Variants in SACM1L observed in about 807,000 individuals in gnomAD.
SACM1L encodes the protein phosphatidylinositol-3-phosphatase SAC1.
SACM1L carries 32 observed loss-of-function variants against 89.5 expected under a neutral mutation model. That is an observed-to-expected ratio of 0.36 (90% CI 0.27 to 0.48). The LOEUF is 0.48. SACM1L is among the 20% of genes least tolerant of loss of function. The pLI, the probability that SACM1L is intolerant of heterozygous loss-of-function variation, is 0.99. For missense variants in SACM1L, 543 were observed against 708.5 expected (o/e 0.77, Z 2.65); for synonymous variants, 213 against 232.8 (o/e 0.92, Z 0.77).
At position 45,723,480 on chromosome 3, in the gene SACM1L, C is replaced by T. The variant is rs367954428; in HGVS notation, c.858C>T (p.Asp286=). Residue 286 remains aspartate (D), a synonymous_variant, in exon 11 of 20, where the codon GAC becomes GAT. Transcript: ENST00000389061. ...PQISKVANHM[D]GFQRHFDSQV... ...TGTAACTTTTTCCTCTCTAGATGGA[C>T]GGTTTCCAAAGGCATTTTGATTCCC... 1.4e-5 allele frequency: 20 copies of T among 1,465,140 alleles called. No homozygotes were observed. Among genetic ancestry groups the T allele is most frequent in the South Asian group, 9.2e-5 (6 of 65,428 alleles). 90.8% of individuals were successfully genotyped at this position (1,465,140 alleles called of 1,614,324 possible). A position where few individuals can be genotyped will look rare whatever the true frequency, so the allele number is the denominator to read the frequency against.
chr3:45,706,729 C>G lies in SACM1L; in HGVS notation c.206-51C>G, dbSNP rs766802751. On this transcript the variant is annotated intron_variant, in intron 3 of 19. Coordinates refer to ENST00000389061, the MANE Select transcript of SACM1L (RefSeq NM_014016.5). ...AAACAATAAGGACTCCTATTTCTACCTTTAGAGTTACTATTTTTATAATTA... is the reference window on the plus strand; with the variant it reads ...AAACAATAAGGACTCCTATTTCTACGTTTAGAGTTACTATTTTTATAATTA... 3.4e-6 allele frequency: 5 copies of G among 1,484,424 alleles called. No homozygotes were observed. In the South Asian group the frequency reaches 4.9e-5, roughly 15 times the overall value. 92.0% of individuals were successfully genotyped at this position (1,484,424 alleles called of 1,614,324 possible). A position where few individuals can be genotyped will look rare whatever the true frequency, so the allele number is the denominator to read the frequency against.
chr3:45,706,162 A>C (rs1187752106), intron 3 of SACM1L, among the ~76,000 whole-genome samples: 2 of 152,162 alleles, frequency 1.3e-5, no homozygotes, highest in African/African-American at 4.8e-5. Context: ...AGACCTGAAG[A>C]ATTAATTGAG....
chr3:45,721,691 G>A (rs1223102441), intron 8 of SACM1L, among the ~76,000 whole-genome samples: 2 of 151,776 alleles, frequency 1.3e-5, no homozygotes, highest in African/African-American at 2.4e-5. Flanking sequence ...TTCTTTAAAA[G>A]ATGTCTCAAG....
chr3:45,734,605 C>G (rs906947917), intron 13 of SACM1L: 1 of 152,094 alleles, frequency 6.6e-6, no homozygotes. Flanking sequence ...CACCACCATG[C>G]CTGGCTACGT....
chr3:45,714,096 T>A lies in SACM1L; in HGVS notation c.577+17T>A. ...TACATGGCTGTATCCTTACATGATA[T>A]TACTCTTTAGTTTCTAGATGCCTTT... On this transcript the variant is annotated intron_variant, in intron 7 of 19. Coordinates refer to ENST00000389061, the MANE Select transcript of SACM1L (RefSeq NM_014016.5). The A allele has an allele frequency of 1.3e-6, 2 of 1,503,048 alleles. No homozygotes were observed. 93.1% of individuals were successfully genotyped at this position (1,503,048 alleles called of 1,614,324 possible). A position where few individuals can be genotyped will look rare whatever the true frequency, so the allele number is the denominator to read the frequency against.
chr3:45,723,518 A>G lies in SACM1L; in HGVS notation c.896A>G (p.Tyr299Cys). 1 of 1,509,738 alleles carries G rather than the reference A, an allele frequency of 6.6e-7. No individual in the cohort carries two copies. The allele number at this position is 1,509,738 out of a possible 1,614,324, so 93.5% of individuals were successfully genotyped here. Residue 299 changes from tyrosine to cysteine, a missense_variant, in exon 11 of 20, where the codon TAT (tyrosine) becomes TGT (cysteine). Transcript: ENST00000389061. ...CATTTTGATTCCCAAGTAATTATTT[A>G]TGGAAAACAAGTTATAATCAATCTG... is the stretch of plus-strand genomic sequence containing the variant. Reference protein sequence around the residue: ...QRHFDSQVIIYGKQVIINLIN... With the variant: ...QRHFDSQVIICGKQVIINLIN...
chr3:45,737,169 G>C lies in SACM1L; in HGVS notation c.1240-414G>C, dbSNP rs577074209. On this transcript the variant is annotated intron_variant, in intron 14 of 19. Transcript: ENST00000389061. ...TTCTTAAAGGTCCCTGGGACAGAGGGTAAGGCTGGGGTGACTCAGGGGTGA... is the reference window on the plus strand; with the variant it reads ...TTCTTAAAGGTCCCTGGGACAGAGGCTAAGGCTGGGGTGACTCAGGGGTGA... 8.4e-5 allele frequency: 15 copies of C among 178,460 alleles called. No homozygotes were observed. In the East Asian group the frequency reaches 2.5e-3, roughly 29 times the overall value. 11.1% of individuals were successfully genotyped at this position (178,460 alleles called of 1,614,324 possible). A position where few individuals can be genotyped will look rare whatever the true frequency, so the allele number is the denominator to read the frequency against.
At position 45,723,503 on chromosome 3, in the gene SACM1L, C is replaced by A; in HGVS notation, c.881C>A (p.Ser294Tyr). ...GACGGTTTCCAAAGGCATTTTGATTCCCAAGTAATTATTTATGGAAAACAA... is the reference window on the plus strand; with the variant it reads ...GACGGTTTCCAAAGGCATTTTGATTACCAAGTAATTATTTATGGAAAACAA... ...HMDGFQRHFD[S>Y]QVIIYGKQVI... The change falls in exon 11 of 20, where the codon TCC becomes TAC. Residue 294 changes from serine to tyrosine, a missense_variant. Physicochemically the swap from Ser to Tyr is moderately radical, Grantham distance 144. This residue lies in a region of SACM1L where 370 missense variants were observed against 527.6 expected (regional missense o/e 0.70). Coordinates refer to ENST00000389061, the MANE Select transcript of SACM1L (RefSeq NM_014016.5). The A allele has an allele frequency of 6.6e-7, 1 of 1,507,394 alleles. No homozygotes were observed. Among genetic ancestry groups the A allele is most frequent in the Non-Finnish European group, 8.9e-7 (1 of 1,119,274 alleles). 93.4% of individuals were successfully genotyped at this position (1,507,394 alleles called of 1,614,324 possible). A position where few individuals can be genotyped will look rare whatever the true frequency, so the allele number is the denominator to read the frequency against.
At chr3:45,707,004 T>C (rs1698413513) in intron 4 of SACM1L, 97 bp downstream of exon 4, 3 of 1,157,980 alleles carry the variant, frequency 2.6e-6, no homozygotes, top group Non-Finnish European at 2.5e-6. Flanking sequence ...AAGAATGCTA[T>C]AATTATTTTA....
Position 45,703,461 on chromosome 3 carries a change from AT to A in SACM1L, c.57del (p.Tyr19Ter). The A allele has an allele frequency of 1.9e-6, 3 of 1,612,914 alleles. No homozygotes were observed. The highest frequency in any genetic ancestry group is 2.5e-6 in the Non-Finnish European group (3 of 1,179,086). ...LKLHITPEKF[Y>X]VEACDDGADD... ...AGGCATATCACACCTGAAAAATTTT[AT>A]GTGGAAGCTTGTGATGATGGAGCAG... On this transcript the variant is annotated frameshift_variant, in exon 2 of 20. Coordinates refer to ENST00000389061, the MANE Select transcript of SACM1L (RefSeq NM_014016.5). LOFTEE classifies it high-confidence loss of function.
intron 6 of SACM1L, 177 bp from the exon 7 acceptor site, chr3:45,713,869 T>G (rs1298595393): frequency 3.0e-6 from 1 of 332,834 alleles, no homozygotes; most frequent in Non-Finnish European, 5.4e-6. Context: ...ATATTCAAGC[T>G]CAAATGATTG....
chr3:45,699,151 TA>T (rs1160358976), intron 1 of SACM1L, among the ~76,000 whole-genome samples: 2 of 152,172 alleles, frequency 1.3e-5, no homozygotes, highest in Non-Finnish European at 2.9e-5. Context: ...AAGCTTATAA[TA>T]ACAGAGGCAT....
chr3:45,702,230 C>A (rs1559537564), intron 1 of SACM1L, among the ~76,000 whole-genome samples: 1 of 152,112 alleles, frequency 6.6e-6, no homozygotes, highest in Non-Finnish European at 1.5e-5. Flanking sequence ...AAAAAAGAGT[C>A]AAAAGTTTGT....
At chr3:45,693,803 T>A (rs976603286) in intron 1 of SACM1L, among the ~76,000 whole-genome samples, 19 of 152,248 alleles carry the variant, frequency 1.2e-4, no homozygotes, top group Non-Finnish European at 1.5e-4. Context: ...AAACAGAATA[T>A]TGATTTGCTC....
At chr3:45,712,119 T>A (rs1386168608) in intron 5 of SACM1L, among the ~76,000 whole-genome samples, 1 of 152,236 alleles carries the variant, frequency 6.6e-6, no homozygotes, top group African/African-American at 2.4e-5. Context: ...GGAAGTGCGA[T>A]TCAGCTGGTT....
rs752097873 is a variant in SACM1L at position 45,713,192 on chromosome 3, C to T, written c.539C>T (p.Pro180Leu). The change falls in exon 6 of 20, where the codon CCA becomes CTA. Residue 180 changes from proline to leucine, a missense_variant. By Grantham distance (98) the Pro-to-Leu change is moderately conservative (BLOSUM62 -3). Transcript: ENST00000389061. ...GHLLRELSAQ[P>L]EVHRFALPVL... Reference sequence around the variant, plus strand: ...CTTCTAAGAGAACTTTCTGCACAGCCAGAGGTAATGTACACGAAATAAAAT... The same window carrying T: ...CTTCTAAGAGAACTTTCTGCACAGCTAGAGGTAATGTACACGAAATAAAAT... 4.3e-6 allele frequency: 7 copies of T among 1,610,704 alleles called. No individual in the cohort carries two copies. In the East Asian group the frequency reaches 6.7e-5, roughly 15 times the overall value.
chr3:45,742,633 T>C (rs1395688067), intron 19 of SACM1L: 1 of 152,218 alleles, frequency 6.6e-6, no homozygotes, highest in African/African-American at 2.4e-5. Context: ...AAAATGCATA[T>C]CAGCAGAGTT....
At chr3:45,737,482 A>AC (rs1394022875) in intron 14 of SACM1L, 101 bp from the exon 15 acceptor site, 2 of 1,158,040 alleles carry the variant, frequency 1.7e-6, no homozygotes, top group Non-Finnish European at 2.5e-6. Flanking sequence ...GCATCCAGCA[A>AC]CCAGGCACCA....
At position 45,689,412 on chromosome 3, in the gene SACM1L, T is replaced by TGGCGGCGCGG; in HGVS notation, c.-48_-39dup. 1 of 1,553,626 alleles carries TGGCGGCGCGG rather than the reference T, an allele frequency of 6.4e-7. No individual in the cohort carries two copies. Among genetic ancestry groups the TGGCGGCGCGG allele is most frequent in the African/African-American group, 1.4e-5 (1 of 73,296 alleles). Reference sequence around the variant, plus strand: ...GTGACCGGTAGAGTTGTAGCCGAGGTGGCGGCGCGGGGCGGGGCGGGCGGA... The same window carrying TGGCGGCGCGG: ...GTGACCGGTAGAGTTGTAGCCGAGGTGGCGGCGCGGGGCGGCGCGGGGCGGGGCGGGCGGA... On this transcript the variant is annotated 5_prime_UTR_variant, in exon 1 of 20. Transcript: ENST00000389061.
Sources: allele counts gnomAD v4.1 joint callset (sites outside exome capture counted in the v4.1 genomes callset), GRCh38; gene constraint gnomAD v4.1.1; regional missense constraint gnomAD v4.1.1; transcripts MANE v1.5; gene names NCBI Gene and HGNC (gene_info 2026-07-23, HGNC 2026-07-21).